HTT: variants seen among roughly 807,000 people sequenced by gnomAD.
HTT encodes the protein huntington disease protein.
In HTT, 104 loss-of-function variants were observed where a neutral mutation model predicts 362.3. The observed-to-expected ratio is 0.29, with a 90% CI of 0.24 to 0.34. The LOEUF is 0.34. HTT is among the 10% of genes least tolerant of loss of function. The probability of loss-of-function intolerance (pLI) is 1.00; values close to 1 mark genes in which losing one functional copy is unlikely to be tolerated. For missense variants in HTT, 3,301 were observed against 3,928.6 expected (o/e 0.84, Z 4.27); for synonymous variants, 1,577 against 1,548.7 (o/e 1.02, Z -0.43).
Position 3,233,226 on chromosome 4 carries a change from C to G in HTT, c.8329C>G (p.Pro2777Ala). ...GAGCACGCTCAGGAGCAGCCACCTG[C>G]CCAGCAGGGTTGGAGCCCTGCACGG... ...LESTLRSSHL[P>A]SRVGALHGVL... is the part of the protein sequence containing the mutation. The change falls in exon 61 of 67, where the codon CCC becomes GCC. Residue 2777 changes from proline (P) to alanine (A), a missense_variant. Physicochemically the swap from Pro to Ala is conservative, Grantham distance 27. This residue lies in a region of HTT where 753 missense variants were observed against 1,021.3 expected (regional missense o/e 0.74). Coordinates refer to ENST00000355072, the MANE Select transcript of HTT (RefSeq NM_001388492.1). 1 of 1,605,104 alleles carries G rather than the reference C, an allele frequency of 6.2e-7. No homozygotes were observed. The highest frequency in any genetic ancestry group is 8.5e-7 in the Non-Finnish European group (1 of 1,173,050).
In HTT at chr4:3,106,466, A is replaced by G. The variant is rs571740041; in HGVS notation, c.609-819A>G. ...TTACTATCATTTAAAAAAATGTGTTATATTTCTGAAGCAACACATCCAGGT... is the reference window on the plus strand; with the variant it reads ...TTACTATCATTTAAAAAAATGTGTTGTATTTCTGAAGCAACACATCCAGGT... On this transcript the variant is annotated intron_variant, in intron 5 of 66. Transcript: ENST00000355072. Among the ~76,000 whole-genome samples, 7 of 152,336 alleles carry G rather than the reference A, an allele frequency of 4.6e-5. No individual in the cohort carries two copies. In the South Asian group the frequency reaches 1.4e-3, roughly 32 times the overall value.
intron 18 of HTT, among the ~76,000 whole-genome samples, chr4:3,133,386 G>A (rs1715913073): frequency 6.6e-6 from 1 of 151,488 alleles, no homozygotes; most frequent in Admixed American, 6.6e-5. Flanking sequence ...TCAGCTACTC[G>A]GGAAGCTGAG....
At position 3,240,096 on chromosome 4, in the gene HTT, G is replaced by A. The variant is rs1201070406; in HGVS notation, c.*37G>A. On this transcript the variant is annotated 3_prime_UTR_variant, in exon 67 of 67. Coordinates refer to ENST00000355072, the MANE Select transcript of HTT (RefSeq NM_001388492.1). ...GGAGAGACTGTGAGGCGGCAGCTGG[G>A]GCCGGAGCCTTTGGAAGTCTGCGCC... 2.0e-6 allele frequency: 3 copies of A among 1,524,608 alleles called. No individual in the cohort carries two copies. Among genetic ancestry groups the A allele is most frequent in the African/African-American group, 1.4e-5 (1 of 73,030 alleles). 94.4% of individuals were successfully genotyped at this position (1,524,608 alleles called of 1,614,324 possible). A position where few individuals can be genotyped will look rare whatever the true frequency, so the allele number is the denominator to read the frequency against.
Position 3,157,063 on chromosome 4 carries a change from T to G in HTT, c.3626-9T>G. The G allele has an allele frequency of 6.3e-7, 1 of 1,584,826 alleles. No homozygotes were observed. The highest frequency in any genetic ancestry group is 8.5e-7 in the Non-Finnish European group (1 of 1,170,480). ...TAAAAGTTTATCTTTTGTGTGCATA[T>G]TTTTAAAGCTTCTAGACAATCTGAT... On this transcript the variant is annotated splice_polypyrimidine_tract_variant and intron_variant, in intron 27 of 66. Coordinates refer to ENST00000355072, the MANE Select transcript of HTT (RefSeq NM_001388492.1).
Position 3,074,771 on chromosome 4 carries a change from C to T in HTT, c.-55C>T. On this transcript the variant is annotated 5_prime_UTR_variant, in exon 1 of 67. Coordinates refer to ENST00000355072, the MANE Select transcript of HTT (RefSeq NM_001388492.1). The stretch of plus-strand genomic sequence containing the variant: ...CATTCATTGCCCCGGTGCTGAGCGG[C>T]GCCGCGAGTCGGCCCGAGGCCTCCG... 6.7e-7 allele frequency: 1 copy of T among 1,494,382 alleles called. No homozygotes were observed. The highest frequency in any genetic ancestry group is 8.9e-7 in the Non-Finnish European group (1 of 1,125,942). The allele number at this position is 1,494,382 out of a possible 1,614,324, so 92.6% of individuals were successfully genotyped here.
chr4:3,159,369 C>A (rs1183269566), intron 28 of HTT, among the ~76,000 whole-genome samples: 2 of 152,182 alleles, frequency 1.3e-5, no homozygotes, highest in South Asian at 4.1e-4. Flanking sequence ...CTCCCACTTA[C>A]CTGTTGTCCA....
chr4:3,075,560 C>G (rs919591551), intron 1 of HTT, among the ~76,000 whole-genome samples: 3 of 145,282 alleles, frequency 2.1e-5, no homozygotes, highest in South Asian at 2.2e-4. Context: ...CGGGACACTT[C>G]GAGAGGAGGC....
At chr4:3,205,124 C>G (rs189379307) in intron 42 of HTT, among the ~76,000 whole-genome samples, 1 of 152,134 alleles carries the variant, frequency 6.6e-6, no homozygotes, top group East Asian at 1.9e-4. Flanking sequence ...AAACTAGCAT[C>G]ACATATTTAC....
At chr4:3,115,666 G>C (rs554792527) in intron 7 of HTT, among the ~76,000 whole-genome samples, 1 of 152,306 alleles carries the variant, frequency 6.6e-6, no homozygotes, top group South Asian at 2.1e-4. Context: ...GGGCTGGTGT[G>C]AGCCCTGTCT....
chr4:3,075,333 T>A (rs1712462673), intron 1 of HTT, among the ~76,000 whole-genome samples: 1 of 152,212 alleles, frequency 6.6e-6, no homozygotes, highest in Non-Finnish European at 1.5e-5. Context: ...CAGAGCCTTG[T>A]TGGGGCCTGT....
At chr4:3,182,217 C>A (rs1213392572) in intron 36 of HTT, 137 bp from the exon 37 acceptor site, 2 of 611,772 alleles carry the variant, frequency 3.3e-6, no homozygotes, top group East Asian at 2.7e-5. Context: ...ATTAGTGTCC[C>A]CCTGTCCTCG....
chr4:3,130,498 C>G, intron 14 of HTT, 75 bp downstream of exon 14: 1 of 752,078 alleles, frequency 1.3e-6, no homozygotes, highest in Admixed American at 2.4e-5. Context: ...TGGCTACTGT[C>G]TACTTTATTG....
Position 3,206,474 on chromosome 4 carries a change from C to G in HTT, c.5719-22C>G. 6.3e-7 allele frequency: 1 copy of G among 1,598,394 alleles called. No individual in the cohort carries two copies. The highest frequency in any genetic ancestry group is 8.6e-7 in the Non-Finnish European group (1 of 1,166,254). ...TCTTCTTGTGTACTTGAAAATGAAT[C>G]TCTCATCATATTTTTCCTTAGTGTC... On this transcript the variant is annotated intron_variant, in intron 42 of 66. Transcript: ENST00000355072. This position sits in a 1 kb window ranked among gnomAD's most constrained non-coding sequence, Gnocchi z 4.6.
intron 40 of HTT, among the ~76,000 whole-genome samples, chr4:3,198,203 G>A (rs1719355892): frequency 6.9e-6 from 1 of 145,954 alleles, no homozygotes; most frequent in African/African-American, 2.5e-5. Flanking sequence ...CTTTCACTTT[G>A]GGGATGTGTT....
At chr4:3,103,776 A>G (rs1239082682) in intron 3 of HTT, 48 bp from the exon 4 acceptor site, 2 of 1,176,090 alleles carry the variant, frequency 1.7e-6, no homozygotes, top group East Asian at 2.3e-5. Context: ...TCGTTTTAGA[A>G]CTAGTGATGG....
At chr4:3,199,619 G>GT in intron 40 of HTT, 113 bp from the exon 41 acceptor site, 1 of 838,830 alleles carries the variant, frequency 1.2e-6, no homozygotes, top group Non-Finnish European at 1.9e-6. Flanking sequence ...TTCTGAATAC[G>GT]TAAGTATGGG....
chr4:3,143,143 A>C (rs1400221326), intron 23 of HTT, among the ~76,000 whole-genome samples: 1 of 152,220 alleles, frequency 6.6e-6, no homozygotes, highest in East Asian at 1.9e-4. Context: ...GGAAGACACA[A>C]CAATTAAAAT....
intron 51 of HTT, among the ~76,000 whole-genome samples, chr4:3,216,173 T>A (rs139062065): frequency 1.3e-5 from 2 of 152,228 alleles, no homozygotes; most frequent in Non-Finnish European, 1.5e-5. Context: ...TGCATAGTAC[T>A]TTTCTCTTCT....
chr4:3,166,970 G>A (rs563195243), intron 29 of HTT, among the ~76,000 whole-genome samples: 110 of 152,358 alleles, frequency 7.2e-4, no homozygotes, highest in Admixed American at 1.4e-3. Flanking sequence ...GTCCCAGTGA[G>A]ATGAACTAGG....
Sources: gnomAD v4.1 joint callset for allele counts (sites outside exome capture counted in the v4.1 genomes callset) on GRCh38, gnomAD v4.1.1 for gene constraint, gnomAD v4.1.1 regional missense constraint, Gnocchi (gnomAD v3.1) non-coding constraint, MANE v1.5 for transcripts, NCBI Gene and HGNC (gene_info 2026-07-23, HGNC 2026-07-21) for gene names.